The following SLC2A13 variants were observed in gnomAD, a reference collection of about 807,000 sequenced individuals.
The protein encoded by SLC2A13 is solute carrier family 2 member 13, also known as proton myo-inositol cotransporter.
In SLC2A13, 32 loss-of-function variants were observed where a neutral mutation model predicts 64.4. The ratio of observed to expected loss-of-function variants is 0.50; its 90% CI spans 0.37 to 0.67. The LOEUF is 0.67. SLC2A13 is among the 30% of genes least tolerant of loss of function. The pLI is 0.00. For synonymous variants in SLC2A13, 338 were observed against 327.1 expected (o/e 1.03, Z -0.36); for missense variants, 743 against 829.2 (o/e 0.90, Z 1.28).
chr12:40,057,710 A>G (rs1161705803), intron 1 of SLC2A13, among the ~76,000 whole-genome samples: 1 of 152,148 alleles, frequency 6.6e-6, no homozygotes, highest in African/African-American at 2.4e-5. Context: ...TTTCTGTTCT[A>G]GCATGTGATA....
At chr12:39,849,878 CT>C (rs1278698792) in intron 6 of SLC2A13, among the ~76,000 whole-genome samples, 1 of 151,768 alleles carries the variant, frequency 6.6e-6, no homozygotes, top group Non-Finnish European at 1.5e-5. Flanking sequence ...TTTCAAAGCT[CT>C]GTTGTTGTTT....
At chr12:39,963,365 A>C (rs1460349110) in intron 3 of SLC2A13, among the ~76,000 whole-genome samples, 2 of 152,168 alleles carry the variant, frequency 1.3e-5, no homozygotes, top group African/African-American at 4.8e-5. Flanking sequence ...TACCCTTCAC[A>C]TTTAAGATTC....
At chr12:40,009,427 T>C (rs528748848) in intron 3 of SLC2A13, among the ~76,000 whole-genome samples, 45 of 152,250 alleles carry the variant, frequency 3.0e-4, no homozygotes, top group Middle Eastern at 3.4e-3. Context: ...GGTTTTTTTG[T>C]TTGTTTGTTT....
intron 2 of SLC2A13, among the ~76,000 whole-genome samples, chr12:40,043,377 C>T (rs1948125338): frequency 6.6e-6 from 1 of 152,024 alleles, no homozygotes; most frequent in Admixed American, 6.6e-5. Context: ...CACCTGTAAT[C>T]CCAGCACTTT....
intron 4 of SLC2A13, among the ~76,000 whole-genome samples, chr12:39,888,780 G>A (rs1302481112): frequency 6.6e-6 from 1 of 152,066 alleles, no homozygotes; most frequent in Non-Finnish European, 1.5e-5. Flanking sequence ...ATTCTCACAA[G>A]TAACCAAAAT....
chr12:39,951,354 T>G lies in SLC2A13; in HGVS notation c.937A>C (p.Ile313Leu). The G allele has an allele frequency of 1.3e-6, 2 of 1,576,770 alleles. No individual in the cohort carries two copies. Among genetic ancestry groups the G allele is most frequent in the Non-Finnish European group, 1.7e-6 (2 of 1,167,046 alleles). Residue 313 changes from isoleucine to leucine, a missense_variant, in exon 4 of 10, where the codon ATC (isoleucine) becomes CTC (leucine). Coordinates refer to ENST00000280871, the MANE Select transcript of SLC2A13 (RefSeq NM_052885.4). Reference protein sequence around the residue: ...EKEVGSAGPVICRMLSYPPTR... With the variant: ...EKEVGSAGPVLCRMLSYPPTR... ...GGGGGATAACTCAGCATTCTGCAGA[T>G]CACAGGTCCAGCTTTTTTAAGAAAG...
chr12:39,830,486 T>G (rs1942823127), intron 6 of SLC2A13: 1 of 1,180,952 alleles, frequency 8.5e-7, no homozygotes, highest in South Asian at 2.6e-5. Flanking sequence ...AGAGACTGAA[T>G]GTAGAAGAGT....
chr12:39,855,746 C>T (rs1943591693), intron 6 of SLC2A13, among the ~76,000 whole-genome samples: 2 of 152,174 alleles, frequency 1.3e-5, no homozygotes, highest in Non-Finnish European at 2.9e-5. Flanking sequence ...AGACTTTCAG[C>T]TACTAAAACC....
intron 4 of SLC2A13, among the ~76,000 whole-genome samples, chr12:39,929,236 T>C (rs559132252): frequency 6.6e-6 from 1 of 152,078 alleles, no homozygotes; most frequent in Non-Finnish European, 1.5e-5. Flanking sequence ...AGAATCATGA[T>C]AAAGATGAAG....
chr12:40,093,300 T>C (rs987351331), intron 1 of SLC2A13, among the ~76,000 whole-genome samples: 3 of 152,216 alleles, frequency 2.0e-5, no homozygotes, highest in Non-Finnish European at 4.4e-5. Flanking sequence ...TACACAAATT[T>C]CCTACAACAT....
intron 7 of SLC2A13, among the ~76,000 whole-genome samples, chr12:39,779,599 G>A (rs946131810): frequency 5.3e-5 from 8 of 152,128 alleles, no homozygotes; most frequent in African/African-American, 1.9e-4. Context: ...CTTCCCATTA[G>A]GCTGATCTTT....
chr12:40,022,666 G>A (rs1200132405), intron 3 of SLC2A13, among the ~76,000 whole-genome samples: 2 of 152,074 alleles, frequency 1.3e-5, no homozygotes, highest in Non-Finnish European at 2.9e-5. Context: ...GTGAAACCCC[G>A]TCTCTACTAG....
At chr12:40,078,550 T>C (rs904170223) in intron 1 of SLC2A13, among the ~76,000 whole-genome samples, 4 of 152,214 alleles carry the variant, frequency 2.6e-5, no homozygotes, top group African/African-American at 9.6e-5. Context: ...AGTGTTTTGT[T>C]AAGGATTTTT....
Position 39,896,596 on chromosome 12 carries a change from A to G in SLC2A13, c.1035-24635T>C, listed in dbSNP as rs929924616. ...TGTATGTGTGTATATATGTATACAT[A>G]TATGTATGTATATGTGTTTATATGT... On this transcript the variant is annotated intron_variant, in intron 4 of 9. Transcript: ENST00000280871. Among the ~76,000 whole-genome samples, 15 of 151,210 alleles carry G rather than the reference A, an allele frequency of 9.9e-5. No individual in the cohort carries two copies. The East Asian group carries it at 1.4e-3, about 14-fold the overall frequency.
chr12:39,934,734 A>G (rs1466738657), intron 4 of SLC2A13, among the ~76,000 whole-genome samples: 1 of 152,242 alleles, frequency 6.6e-6, no homozygotes, highest in Non-Finnish European at 1.5e-5. Context: ...TACATTTTCT[A>G]TATTTTCTGG....
intron 7 of SLC2A13, among the ~76,000 whole-genome samples, chr12:39,767,758 G>T (rs1327189290): frequency 3.9e-5 from 6 of 152,084 alleles, no homozygotes; most frequent in Admixed American, 3.9e-4. Context: ...CACGGGGGTG[G>T]TTACCCTCAT....
intron 7 of SLC2A13, among the ~76,000 whole-genome samples, chr12:39,765,130 G>A (rs1940301449): frequency 6.6e-6 from 1 of 152,042 alleles, no homozygotes; most frequent in Non-Finnish European, 1.5e-5. Context: ...GTCCCTGGAA[G>A]CTGCAGTAAC....
intron 4 of SLC2A13, among the ~76,000 whole-genome samples, chr12:39,912,993 G>C (rs1030633860): frequency 3.3e-5 from 5 of 152,088 alleles, no homozygotes; most frequent in Admixed American, 3.3e-4. Context: ...ATCACATAAT[G>C]ATGAGTCCTC....
At chr12:39,958,675 GAGA>G (rs1405078638) in intron 3 of SLC2A13, among the ~76,000 whole-genome samples, 4 of 152,108 alleles carry the variant, frequency 2.6e-5, no homozygotes, top group Admixed American at 6.5e-5. Flanking sequence ...CAGCCCACCT[GAGA>G]AGATTTGTTT....
Sources: gnomAD v4.1 joint callset for allele counts (sites outside exome capture counted in the v4.1 genomes callset) on GRCh38, gnomAD v4.1.1 for gene constraint, MANE v1.5 for transcripts, NCBI Gene and HGNC (gene_info 2026-07-23, HGNC 2026-07-21) for gene names.